The following DSG4 variants were observed in gnomAD, a reference collection of about 807,000 sequenced individuals.
DSG4 encodes desmoglein 4, also known as desmoglein-4.
A neutral mutation model predicts 93.1 loss-of-function variants in DSG4; 87 were observed. That is an observed-to-expected ratio of 0.93 (90% CI 0.79 to 1.12). The LOEUF is 1.12. Among genes scored for constraint, DSG4 ranks in the 50% most tolerant of loss-of-function variants. DSG4 has a pLI of 0.00. For synonymous variants in DSG4, 432 were observed against 452.9 expected (o/e 0.95, Z 0.59); for missense variants, 1,373 against 1,285.7 (o/e 1.07, Z -1.04).
intron 2 of DSG4, among the ~76,000 whole-genome samples, chr18:31,385,552 T>C (rs939242656): frequency 6.6e-6 from 1 of 152,120 alleles, no homozygotes; most frequent in East Asian, 1.9e-4. Context: ...ACATTCAAAT[T>C]GTATAATCCC....
At chr18:31,410,234 A>T (rs1412074601) in intron 14 of DSG4, among the ~76,000 whole-genome samples, 1 of 152,118 alleles carries the variant, frequency 6.6e-6, no homozygotes, top group East Asian at 1.9e-4. Flanking sequence ...CTTAGTCAAG[A>T]CATTTAACCT....
At chr18:31,393,373 T>C (rs1332771742) in intron 8 of DSG4, among the ~76,000 whole-genome samples, 1 of 152,202 alleles carries the variant, frequency 6.6e-6, no homozygotes, top group Admixed American at 6.5e-5. Flanking sequence ...TTCAGTTGAA[T>C]CACCATTTTG....
chr18:31,377,040 A>G (rs1313587967), intron 1 of DSG4, 81 bp downstream of exon 1: 11 of 1,435,622 alleles, frequency 7.7e-6, no homozygotes, highest in Non-Finnish European at 9.7e-6. Flanking sequence ...TCTACATGGG[A>G]TTTATTCCAT....
chr18:31,399,851 C>A (rs576204700), intron 9 of DSG4, among the ~76,000 whole-genome samples: 1 of 152,058 alleles, frequency 6.6e-6, no homozygotes, highest in Non-Finnish European at 1.5e-5. Flanking sequence ...TACCCTGGAC[C>A]GGGGCTGATT....
intron 8 of DSG4, among the ~76,000 whole-genome samples, chr18:31,397,165 G>T (rs922184): frequency 0.8 from 121,746 of 152,096 alleles, 48,978 homozygotes; most frequent in East Asian, 0.95. Flanking sequence ...GAATCTAAGC[G>T]TAGCTTCTAT....
At chr18:31,399,615 G>A in intron 9 of DSG4, 72 bp downstream of exon 9, 1 of 1,596,744 alleles carries the variant, frequency 6.3e-7, no homozygotes, top group South Asian at 1.1e-5. Context: ...GCTAATATAT[G>A]TTGGTTGTAA....
chr18:31,413,467 C>T lies in DSG4; in HGVS notation c.2995C>T (p.Pro999Ser). Residue 999 changes from proline (P) to serine (S), a missense_variant, in exon 16 of 16, where the codon CCA becomes TCA. Pro to Ser is a moderately conservative substitution (Grantham distance 74). Coordinates refer to ENST00000308128, the MANE Select transcript of DSG4 (RefSeq NM_177986.5). The stretch of plus-strand genomic sequence containing the variant: ...GATGAGCGGCAATATTTTAGTAGGG[C>T]CAGAAATTCAAGTGATGCAAATGAT... ...PVMSGNILVG[P>S]EIQVMQMMSP... The T allele has an allele frequency of 6.2e-7, 1 of 1,611,686 alleles. No homozygotes were observed. The highest frequency in any genetic ancestry group is 8.5e-7 in the Non-Finnish European group (1 of 1,178,182).
At chr18:31,394,709 G>C (rs977653885) in intron 8 of DSG4, among the ~76,000 whole-genome samples, 1 of 151,678 alleles carries the variant, frequency 6.6e-6, no homozygotes, top group African/African-American at 2.4e-5. Context: ...ATGGGTATAG[G>C]AGACATTGCC....
At chr18:31,378,124 G>T (rs1335903237) in intron 1 of DSG4, among the ~76,000 whole-genome samples, 1 of 152,134 alleles carries the variant, frequency 6.6e-6, no homozygotes, top group South Asian at 2.1e-4. Flanking sequence ...TGACAACAGT[G>T]GTAGAATATT....
intron 8 of DSG4, among the ~76,000 whole-genome samples, chr18:31,395,496 A>C (rs1464712195): frequency 6.6e-6 from 1 of 152,152 alleles, no homozygotes; most frequent in Non-Finnish European, 1.5e-5. Flanking sequence ...TAGCCAAAAG[A>C]ACTATTTTAG....
At chr18:31,379,836 A>G (rs1273900803) in intron 1 of DSG4, among the ~76,000 whole-genome samples, 1 of 152,192 alleles carries the variant, frequency 6.6e-6, no homozygotes, top group East Asian at 1.9e-4. Context: ...AGATTTCCAG[A>G]AATATGACAG....
intron 14 of DSG4, among the ~76,000 whole-genome samples, chr18:31,410,351 T>C (rs908044163): frequency 1.5e-5 from 2 of 130,184 alleles, no homozygotes; most frequent in Non-Finnish European, 3.3e-5. Context: ...TAATATATAA[T>C]ACATACATAT....
chr18:31,410,091 C>T (rs1005347122), intron 14 of DSG4, among the ~76,000 whole-genome samples: 4 of 152,146 alleles, frequency 2.6e-5, no homozygotes, highest in East Asian at 3.9e-4. Context: ...ATCTTTTATC[C>T]GAAATGCATA....
At chr18:31,388,725 T>A in intron 4 of DSG4, 149 bp from the exon 5 acceptor site, 1 of 1,315,586 alleles carries the variant, frequency 7.6e-7, no homozygotes. Flanking sequence ...TGTAGTCAAG[T>A]GTCCTGATCA....
intron 11 of DSG4, 103 bp downstream of exon 11, chr18:31,403,737 C>T (rs1488560175): frequency 9.6e-7 from 1 of 1,039,814 alleles, no homozygotes; most frequent in Admixed American, 1.9e-5. Context: ...CTTCTGTTTC[C>T]ACAGTTCTTG....
At chr18:31,380,138 T>C (rs893846439) in intron 1 of DSG4, among the ~76,000 whole-genome samples, 3 of 152,186 alleles carry the variant, frequency 2.0e-5, no homozygotes, top group Admixed American at 6.5e-5. Flanking sequence ...CCAAGAGATA[T>C]CTAGTATTAC....
At chr18:31,411,077 TG>T (rs777543384) in intron 14 of DSG4, 153 bp from the exon 15 acceptor site, 1 of 1,549,096 alleles carries the variant, frequency 6.5e-7, no homozygotes, top group South Asian at 1.2e-5. Flanking sequence ...AGCCTGGAGA[TG>T]TATCGGTGTA....
intron 10 of DSG4, among the ~76,000 whole-genome samples, chr18:31,402,490 G>T (rs868463693): frequency 6.6e-6 from 1 of 152,216 alleles, no homozygotes; most frequent in Non-Finnish European, 1.5e-5. Context: ...GCTGAATAGG[G>T]TATATAAACA....
At chr18:31,395,804 C>T (rs1156612308) in intron 8 of DSG4, among the ~76,000 whole-genome samples, 4 of 152,096 alleles carry the variant, frequency 2.6e-5, no homozygotes, top group Non-Finnish European at 5.9e-5. Flanking sequence ...AGTTCGAGAC[C>T]AGCCTGGACA....
Sources: gnomAD v4.1 joint callset for allele counts (sites outside exome capture counted in the v4.1 genomes callset) on GRCh38, gnomAD v4.1.1 for gene constraint, MANE v1.5 for transcripts, NCBI Gene and HGNC (gene_info 2026-07-23, HGNC 2026-07-21) for gene names.